Variants in ANO10 observed in about 807,000 individuals in gnomAD.
The protein encoded by ANO10 is anoctamin 10.
Under a neutral mutation model 74.7 loss-of-function variants are expected in ANO10, and 77 were observed. The observed-to-expected ratio is 1.03, with a 90% CI of 0.86 to 1.25. ANO10 has a LOEUF of 1.25. ANO10 is among the 50% of genes most tolerant of loss of function. The pLI, the probability that ANO10 is intolerant of heterozygous loss-of-function variation, is 0.00. For synonymous variants in ANO10, 279 were observed against 284.9 expected, an observed-to-expected ratio of 0.98 and a Z score of 0.21; for missense variants, 721 against 778.1, an observed-to-expected ratio of 0.93 and a Z score of 0.87.
At chr3:43,627,243 T>C (rs2083501591) in intron 1 of ANO10, among the ~76,000 whole-genome samples, 1 of 152,234 alleles carries the variant, frequency 6.6e-6, no homozygotes, top group Admixed American at 6.5e-5. Flanking sequence ...GAAATCACTG[T>C]GTGTATTTTA....
intron 11 of ANO10, among the ~76,000 whole-genome samples, chr3:43,534,117 T>C (rs926364996): frequency 4.6e-5 from 7 of 152,314 alleles, no homozygotes; most frequent in African/African-American, 1.7e-4. Context: ...GAGTTTTGAA[T>C]CATGTAAATG....
intron 1 of ANO10, among the ~76,000 whole-genome samples, chr3:43,630,170 T>C (rs2083531876): frequency 6.6e-6 from 1 of 152,158 alleles, no homozygotes; most frequent in Non-Finnish European, 1.5e-5. Flanking sequence ...TCAAGTAAGA[T>C]AAGAACTGAA....
At chr3:43,460,002 G>T (rs905125971) in intron 11 of ANO10, among the ~76,000 whole-genome samples, 2 of 152,180 alleles carry the variant, frequency 1.3e-5, no homozygotes, top group Non-Finnish European at 1.5e-5. Flanking sequence ...ATGGGAGGTT[G>T]AAGATTTCCA....
intron 12 of ANO10, among the ~76,000 whole-genome samples, chr3:43,384,661 A>G (rs956373451): frequency 2.0e-5 from 3 of 152,190 alleles, no homozygotes; most frequent in African/African-American, 7.2e-5. Flanking sequence ...AAACAAAAAC[A>G]AAGTGGGGAA....
At chr3:43,382,686 C>T (rs1299330752) in intron 12 of ANO10, among the ~76,000 whole-genome samples, 7 of 152,034 alleles carry the variant, frequency 4.6e-5, no homozygotes, top group Non-Finnish European at 1.0e-4. Flanking sequence ...AGAAACGAAA[C>T]GGGAGATATT....
chr3:43,368,195 G>T (rs1237110471), intron 12 of ANO10, among the ~76,000 whole-genome samples: 3 of 152,158 alleles, frequency 2.0e-5, no homozygotes, highest in Non-Finnish European at 2.9e-5. Flanking sequence ...GGACTGGCTG[G>T]CCCTTTCTTA....
chr3:43,484,180 A>G (rs1386255875), intron 11 of ANO10, among the ~76,000 whole-genome samples: 1 of 152,038 alleles, frequency 6.6e-6, no homozygotes, highest in African/African-American at 2.4e-5. Flanking sequence ...CGATCTGCCC[A>G]CCTCAGCCTC....
At chr3:43,625,999 T>G (rs1436908535), upstream of ANO10, among the ~76,000 whole-genome samples, 1 of 151,978 alleles carries the variant, frequency 6.6e-6, no homozygotes, top group East Asian at 1.9e-4. Context: ...AGTGGCATGA[T>G]CTAGGCTCAC....
chr3:43,560,215 G>C (rs1164388399), intron 9 of ANO10, among the ~76,000 whole-genome samples: 1 of 152,184 alleles, frequency 6.6e-6, no homozygotes, highest in African/African-American at 2.4e-5. Context: ...TACTGGCTCT[G>C]TGACCAGATC....
At chr3:43,370,048 G>A (rs1373225560) in intron 12 of ANO10, among the ~76,000 whole-genome samples, 2 of 152,174 alleles carry the variant, frequency 1.3e-5, no homozygotes, top group African/African-American at 2.4e-5. Flanking sequence ...CAGTATGGGG[G>A]TCATGCGACG....
intron 11 of ANO10, among the ~76,000 whole-genome samples, chr3:43,508,074 T>C (rs2077364018): frequency 6.6e-6 from 1 of 151,906 alleles, no homozygotes; most frequent in Non-Finnish European, 1.5e-5. Context: ...GGAGTAAAAG[T>C]CAAGGGGAAG....
chr3:43,527,822 A>G (rs1479185992), intron 11 of ANO10, among the ~76,000 whole-genome samples: 1 of 152,184 alleles, frequency 6.6e-6, no homozygotes, highest in Non-Finnish European at 1.5e-5. Flanking sequence ...AGGTCTGTGA[A>G]CTGCTAGATC....
intron 4 of ANO10, among the ~76,000 whole-genome samples, chr3:43,596,958 T>C (rs1242818428): frequency 3.3e-5 from 5 of 152,256 alleles, no homozygotes; most frequent in Admixed American, 1.3e-4. Context: ...GCAAAGGATA[T>C]GAACAGACAT....
At chr3:43,450,288 C>A (rs1297848631) in intron 11 of ANO10, among the ~76,000 whole-genome samples, 1 of 152,134 alleles carries the variant, frequency 6.6e-6, no homozygotes, top group Admixed American at 6.5e-5. Flanking sequence ...TGCCTGTAAT[C>A]TCAGCACTTT....
At chr3:43,422,085 C>G (rs543168661) in intron 12 of ANO10, among the ~76,000 whole-genome samples, 1 of 152,304 alleles carries the variant, frequency 6.6e-6, no homozygotes, top group South Asian at 2.1e-4. Context: ...GGAACTCTAA[C>G]TTTAAAAAAG....
intron 1 of ANO10, chr3:43,636,617 G>A (rs1261996168): frequency 6.6e-6 from 1 of 152,152 alleles, no homozygotes; most frequent in Non-Finnish European, 1.5e-5. Flanking sequence ...TTAAACTTGT[G>A]TCTCATTAAC....
intron 1 of ANO10, among the ~76,000 whole-genome samples, chr3:43,688,383 A>C (rs1049178099): frequency 1.3e-5 from 2 of 152,182 alleles, no homozygotes; most frequent in Non-Finnish European, 2.9e-5. Flanking sequence ...CAGACACACT[A>C]CAAGTGTCTG....
intron 2 of ANO10, among the ~76,000 whole-genome samples, chr3:43,605,255 G>C (rs896554931): frequency 2.6e-5 from 4 of 152,110 alleles, no homozygotes; most frequent in African/African-American, 9.7e-5. Context: ...ACTGCTTTGT[G>C]ACAGCTCTTC....
At chr3:43,663,082 A>C (rs1424818029) in intron 1 of ANO10, among the ~76,000 whole-genome samples, 6 of 151,888 alleles carry the variant, frequency 4.0e-5, no homozygotes, top group Non-Finnish European at 8.8e-5. Context: ...TGGCAGAGAC[A>C]CAACAAAAAA....
Sources: gnomAD v4.1 joint callset for allele counts (sites outside exome capture counted in the v4.1 genomes callset) on GRCh38, gnomAD v4.1.1 for gene constraint, MANE v1.5 for transcripts, NCBI Gene and HGNC (gene_info 2026-07-23, HGNC 2026-07-21) for gene names.